The following FSTL5 variants were observed in gnomAD, a reference collection of about 807,000 sequenced individuals.
FSTL5 encodes the protein follistatin-related protein 5.
A neutral mutation model predicts 89.1 loss-of-function variants in FSTL5; 62 were observed. The ratio of observed to expected loss-of-function variants is 0.70; its 90% CI spans 0.57 to 0.86. The LOEUF is 0.86. Among genes scored for constraint, FSTL5 ranks in the 40% least tolerant of loss-of-function variants. The pLI is 0.00. For missense variants in FSTL5, 1,057 were observed against 1,001.6 expected (o/e 1.06, Z -0.75); for synonymous variants, 383 against 346.2 (o/e 1.11, Z -1.18).
chr4:161,732,235 C>G (rs1739635436), intron 6 of FSTL5, among the ~76,000 whole-genome samples: 1 of 151,986 alleles, frequency 6.6e-6, no homozygotes, highest in African/African-American at 2.4e-5. Flanking sequence ...TTTTAATTTT[C>G]AATTATTTAA....
At chr4:162,067,388 T>C (rs1438995137) in intron 2 of FSTL5, among the ~76,000 whole-genome samples, 1 of 152,136 alleles carries the variant, frequency 6.6e-6, no homozygotes, top group African/African-American at 2.4e-5. Context: ...TTTTAAAAGA[T>C]GGGCATTTGG....
intron 8 of FSTL5, among the ~76,000 whole-genome samples, chr4:161,551,153 C>G (rs1426626741): frequency 1.3e-5 from 2 of 151,150 alleles, no homozygotes; most frequent in African/African-American, 4.9e-5. Flanking sequence ...CCTGAGGAAT[C>G]GCCACACTGA....
intron 4 of FSTL5, among the ~76,000 whole-genome samples, chr4:161,854,640 G>A (rs1731664852): frequency 1.3e-5 from 2 of 152,204 alleles, no homozygotes; most frequent in East Asian, 1.9e-4. Flanking sequence ...AATAAGAAAT[G>A]TCAGGAATAA....
intron 15 of FSTL5, among the ~76,000 whole-genome samples, chr4:161,448,937 C>T (rs7681811): frequency 0.86 from 131,524 of 152,120 alleles, 57,500 homozygotes; most frequent in East Asian, 0.96. Context: ...CAAACCAGTA[C>T]CATCTTGGGG....
intron 4 of FSTL5, among the ~76,000 whole-genome samples, chr4:161,849,443 C>T (rs993407598): frequency 2.0e-5 from 3 of 151,626 alleles, no homozygotes; most frequent in African/African-American, 7.3e-5. Flanking sequence ...GGCATATCTT[C>T]GATGTTAGCA....
At chr4:161,401,733 T>G (rs1330698513) in intron 15 of FSTL5, among the ~76,000 whole-genome samples, 1 of 152,048 alleles carries the variant, frequency 6.6e-6, no homozygotes, top group Non-Finnish European at 1.5e-5. Flanking sequence ...TTCACCGTGT[T>G]AGCCAGGATG....
intron 13 of FSTL5, among the ~76,000 whole-genome samples, chr4:161,473,253 C>T (rs1734011479): frequency 6.6e-6 from 1 of 152,092 alleles, no homozygotes; most frequent in Admixed American, 6.5e-5. Context: ...GGAATTGATG[C>T]TTTCAGTTAT....
At chr4:161,995,010 A>G (rs557161933) in intron 3 of FSTL5, among the ~76,000 whole-genome samples, 4 of 152,158 alleles carry the variant, frequency 2.6e-5, no homozygotes, top group African/African-American at 9.6e-5. Flanking sequence ...GGGTTTTTAC[A>G]GTTTTAGGTT....
intron 4 of FSTL5, among the ~76,000 whole-genome samples, chr4:161,872,444 C>G (rs1732306432): frequency 6.6e-6 from 1 of 152,086 alleles, no homozygotes; most frequent in African/African-American, 2.4e-5. Context: ...TTCTAGAGAC[C>G]TTCAAAAATT....
chr4:161,943,237 T>C (rs1734640256), intron 3 of FSTL5, among the ~76,000 whole-genome samples: 1 of 151,994 alleles, frequency 6.6e-6, no homozygotes, highest in Non-Finnish European at 1.5e-5. Flanking sequence ...ATATTAAGAC[T>C]GCAATACTAC....
chr4:161,567,016 T>A (rs1732839579), intron 8 of FSTL5, among the ~76,000 whole-genome samples: 1 of 152,128 alleles, frequency 6.6e-6, no homozygotes, highest in Non-Finnish European at 1.5e-5. Context: ...TCAAATTTAC[T>A]ATGTATTACA....
intron 3 of FSTL5, among the ~76,000 whole-genome samples, chr4:161,960,974 A>G (rs1221452644): frequency 6.6e-6 from 1 of 152,118 alleles, no homozygotes; most frequent in African/African-American, 2.4e-5. Context: ...TTCTCATCCT[A>G]AATATATATC....
intron 10 of FSTL5, among the ~76,000 whole-genome samples, chr4:161,522,885 A>G (rs1484463338): frequency 6.6e-6 from 1 of 151,904 alleles, no homozygotes; most frequent in Admixed American, 6.6e-5. Flanking sequence ...TTTCTAAAAT[A>G]GTCCTATATC....
At position 161,820,200 on chromosome 4, in the gene FSTL5, A is replaced by C. The variant is rs1730448819; in HGVS notation, c.410-44126T>G. Among the ~76,000 whole-genome samples the C allele has an allele frequency of 7.2e-5, 11 of 152,198 alleles. No homozygotes were observed. In the South Asian group the frequency reaches 2.1e-3, roughly 29 times the overall value. On this transcript the variant is annotated intron_variant, in intron 4 of 15. Coordinates refer to ENST00000306100, the MANE Select transcript of FSTL5 (RefSeq NM_020116.5). ...ATATTTTCTAATTGAAATAAAAATA[A>C]GCTCGAATGTATTATTGGAAGATAA...
At chr4:161,764,512 G>A (rs1740922396) in intron 5 of FSTL5, among the ~76,000 whole-genome samples, 1 of 152,150 alleles carries the variant, frequency 6.6e-6, no homozygotes, top group Non-Finnish European at 1.5e-5. Flanking sequence ...ACCTGCCTCA[G>A]CCTCCCAAAG....
intron 4 of FSTL5, among the ~76,000 whole-genome samples, chr4:161,779,775 G>GTGTATATATATATATA (rs1741564551): frequency 3.9e-5 from 1 of 25,426 alleles, no homozygotes; most frequent in Non-Finnish European, 6.8e-5. Context: ...ATATATATAT[G>GTGTATATATATATATA]TATATATATA....
At chr4:161,833,666 G>A (rs1730926497) in intron 4 of FSTL5, among the ~76,000 whole-genome samples, 1 of 151,800 alleles carries the variant, frequency 6.6e-6, no homozygotes, top group Non-Finnish European at 1.5e-5. Context: ...GATCTTTGTT[G>A]GTTTAAAGTC....
intron 10 of FSTL5, among the ~76,000 whole-genome samples, chr4:161,534,549 C>A (rs529010103): frequency 6.6e-6 from 1 of 152,002 alleles, no homozygotes; most frequent in Admixed American, 6.6e-5. Flanking sequence ...AGGATAACTA[C>A]AAAACACTGC....
intron 11 of FSTL5, among the ~76,000 whole-genome samples, chr4:161,506,913 G>C (rs1730501453): frequency 6.6e-6 from 1 of 151,992 alleles, no homozygotes; most frequent in Admixed American, 6.6e-5. Flanking sequence ...ACATATTTTT[G>C]TGTGAATAGA....
Sources: gnomAD v4.1 joint callset for allele counts (sites outside exome capture counted in the v4.1 genomes callset) on GRCh38, gnomAD v4.1.1 for gene constraint, MANE v1.5 for transcripts, NCBI Gene and HGNC (gene_info 2026-07-23, HGNC 2026-07-21) for gene names.